RABGAP1L: variants seen among roughly 807,000 people sequenced by gnomAD.
RABGAP1L encodes the protein rab GTPase-activating protein 1-like.
RABGAP1L carries 63 observed loss-of-function variants against 137.7 expected under a neutral mutation model. That is an observed-to-expected ratio of 0.46 (90% CI 0.37 to 0.56). The LOEUF (loss-of-function observed/expected upper bound fraction) is 0.56. RABGAP1L is among the 20% of genes least tolerant of loss of function. The probability of loss-of-function intolerance (pLI) is 0.00; values close to 1 mark genes in which losing one functional copy is unlikely to be tolerated. For missense variants in RABGAP1L, 1,095 were observed against 1,244.0 expected (o/e 0.88, Z 1.80); for synonymous variants, 431 against 433.7 (o/e 0.99, Z 0.08).
At chr1:174,524,011 A>G (rs113984336) in intron 13 of RABGAP1L, among the ~76,000 whole-genome samples, 6 of 152,348 alleles carry the variant, frequency 3.9e-5, no homozygotes, top group African/African-American at 1.4e-4. Flanking sequence ...TATATGTACA[A>G]CATTTTCTTT....
At chr1:174,824,105 C>A (rs997940037) in intron 19 of RABGAP1L, among the ~76,000 whole-genome samples, 10 of 152,188 alleles carry the variant, frequency 6.6e-5, no homozygotes, top group African/African-American at 2.2e-4. Flanking sequence ...GCTTGGCCAA[C>A]AGGGTGAAAC....
At chr1:174,450,744 C>CT (rs962361716) in intron 13 of RABGAP1L, among the ~76,000 whole-genome samples, 1 of 152,092 alleles carries the variant, frequency 6.6e-6, no homozygotes, top group Non-Finnish European at 1.5e-5. Flanking sequence ...CTAAGTATTA[C>CT]TTTTTTACCA....
At chr1:174,731,147 A>T (rs1377781589) in intron 17 of RABGAP1L, among the ~76,000 whole-genome samples, 1 of 151,900 alleles carries the variant, frequency 6.6e-6, no homozygotes, top group Non-Finnish European at 1.5e-5. Flanking sequence ...CCTGTTTTGT[A>T]TTTTTATTAG....
At chr1:174,505,095 G>T (rs1437764228) in intron 13 of RABGAP1L, among the ~76,000 whole-genome samples, 1 of 151,990 alleles carries the variant, frequency 6.6e-6, no homozygotes, top group African/African-American at 2.4e-5. Context: ...ATGGCCAGCA[G>T]GTATATAAAA....
chr1:174,313,513 G>A (rs1679062081), intron 11 of RABGAP1L, among the ~76,000 whole-genome samples: 1 of 152,120 alleles, frequency 6.6e-6, no homozygotes, highest in African/African-American at 2.4e-5. Flanking sequence ...GATTAACAGT[G>A]GTAACAGTGC....
intron 13 of RABGAP1L, among the ~76,000 whole-genome samples, chr1:174,499,095 T>G (rs1193903034): frequency 3.9e-5 from 6 of 152,018 alleles, no homozygotes; most frequent in Admixed American, 3.9e-4. Context: ...CCAGTAGAAC[T>G]GGGGGGAAAA....
At position 174,705,662 on chromosome 1, in the gene RABGAP1L, T is replaced by A. The variant is rs192526196; in HGVS notation, c.2169+3406T>A. 66 of 152,326 alleles carry A rather than the reference T, an allele frequency of 4.3e-4. No homozygotes were observed. In the East Asian group the frequency reaches 0.012, roughly 28 times the overall value. 9.4% of individuals were successfully genotyped at this position (152,326 alleles called of 1,614,324 possible). A position where few individuals can be genotyped will look rare whatever the true frequency, so the allele number is the denominator to read the frequency against. On this transcript the variant is annotated intron_variant, in intron 17 of 25. Coordinates refer to ENST00000681986, the MANE Select transcript of RABGAP1L (RefSeq NM_001366446.1). ...ATCTATTGGAAACAATATTGTAGTGTGCCTCAGGATATTTATTCTTTCCAC... is the reference window on the plus strand; with the variant it reads ...ATCTATTGGAAACAATATTGTAGTGAGCCTCAGGATATTTATTCTTTCCAC...
chr1:174,296,834 C>T (rs959718503), intron 10 of RABGAP1L, among the ~76,000 whole-genome samples: 3 of 151,586 alleles, frequency 2.0e-5, no homozygotes, highest in Non-Finnish European at 4.4e-5. Context: ...TATTTCTTCT[C>T]CTGTTACTGG....
At chr1:174,161,776 TGGA>T (rs67692024) in intron 1 of RABGAP1L, among the ~76,000 whole-genome samples, 9,689 of 152,276 alleles carry the variant, frequency 0.064, 993 homozygotes, top group African/African-American at 0.22. Flanking sequence ...GCGCCCAGGC[TGGA>T]GTGCAGTGGC....
chr1:174,665,038 G>A (rs768015410), intron 14 of RABGAP1L, among the ~76,000 whole-genome samples: 1 of 152,038 alleles, frequency 6.6e-6, no homozygotes, highest in Admixed American at 6.6e-5. Flanking sequence ...CCCAGCCGAC[G>A]ATGGTTATTT....
intron 20 of RABGAP1L, among the ~76,000 whole-genome samples, chr1:174,959,269 A>G (rs1032660981): frequency 6.6e-6 from 1 of 152,248 alleles, no homozygotes; most frequent in Non-Finnish European, 1.5e-5. Context: ...GGTAGTAATT[A>G]TAAACTATTA....
chr1:174,198,581 G>GA (rs1667866957), intron 1 of RABGAP1L, among the ~76,000 whole-genome samples: 1 of 152,198 alleles, frequency 6.6e-6, no homozygotes. Flanking sequence ...TTTCCAAAAT[G>GA]AAAATCTTTT....
rs1679708696 is a variant in RABGAP1L, at chr1:174,702,096, T to G, written c.2026-17T>G. On this transcript the variant is annotated splice_polypyrimidine_tract_variant and intron_variant, in intron 16 of 25. Coordinates refer to ENST00000681986, the MANE Select transcript of RABGAP1L (RefSeq NM_001366446.1). ...CAAGCTTCTCATTGCTCCTAAATTT[T>G]CCACTTTGACTTTTAGGAACAGCTA... is the stretch of plus-strand genomic sequence containing the variant. 14 of 1,602,262 alleles carry G rather than the reference T, an allele frequency of 8.7e-6. No homozygotes were observed. Among genetic ancestry groups the G allele is most frequent in the African/African-American group, 1.3e-5 (1 of 74,218 alleles).
chr1:174,610,795 C>G (rs545303281), intron 13 of RABGAP1L, among the ~76,000 whole-genome samples: 101 of 152,346 alleles, frequency 6.6e-4, no homozygotes, highest in Non-Finnish European at 9.4e-4. Flanking sequence ...TTGCATTTCT[C>G]TGATGGCCAG....
intron 13 of RABGAP1L, among the ~76,000 whole-genome samples, chr1:174,527,896 C>CTTT (rs1664041281): frequency 9.3e-6 from 1 of 108,086 alleles, no homozygotes; most frequent in African/African-American, 4.6e-5. Flanking sequence ...TCATTATATA[C>CTTT]TTGTCTTTTT....
At chr1:174,277,409 TATAAAA>T (rs1158189362) in intron 9 of RABGAP1L, among the ~76,000 whole-genome samples, 1 of 151,932 alleles carries the variant, frequency 6.6e-6, no homozygotes, top group Non-Finnish European at 1.5e-5. Context: ...CATATCAAGT[TATAAAA>T]ATAGTTTTTA....
chr1:174,212,433 C>G (rs1452566162), intron 1 of RABGAP1L, among the ~76,000 whole-genome samples: 2 of 151,938 alleles, frequency 1.3e-5, no homozygotes, highest in African/African-American at 4.8e-5. Context: ...CAACATGCTC[C>G]TGAATGACCA....
At chr1:174,346,698 TTGA>T (rs1193104326) in intron 11 of RABGAP1L, among the ~76,000 whole-genome samples, 1 of 152,044 alleles carries the variant, frequency 6.6e-6, no homozygotes, top group African/African-American at 2.4e-5. Context: ...TGTCATTTTG[TTGA>T]TCTTTTGCAT....
chr1:174,180,206 G>C (rs1258146603), intron 1 of RABGAP1L, among the ~76,000 whole-genome samples: 3 of 152,140 alleles, frequency 2.0e-5, no homozygotes, highest in Non-Finnish European at 4.4e-5. Flanking sequence ...ACAGGATTTG[G>C]AGTGGCAGAG....
Sources: allele counts gnomAD v4.1 joint callset (sites outside exome capture counted in the v4.1 genomes callset), GRCh38; gene constraint gnomAD v4.1.1; transcripts MANE v1.5; gene names NCBI Gene and HGNC (gene_info 2026-07-23, HGNC 2026-07-21).